Variants in PDE8B observed in about 807,000 individuals in gnomAD.
PDE8B encodes high affinity cAMP-specific and IBMX-insensitive 3',5'-cyclic phosphodiesterase 8B.
Under a neutral mutation model 101.3 loss-of-function variants are expected in PDE8B, and 26 were observed. The observed-to-expected ratio is 0.26, with a 90% confidence interval of 0.19 to 0.36. The LOEUF (loss-of-function observed/expected upper bound fraction) is 0.36. Among genes scored for constraint, PDE8B ranks in the 10% least tolerant of loss-of-function variants. The pLI is 1.00. For synonymous variants in PDE8B, 424 were observed against 429.3 expected (o/e 0.99, Z 0.15); for missense variants, 810 against 1,163.1 (o/e 0.70, Z 4.42).
chr5:77,425,653 C>T (rs1022777220), intron 20 of PDE8B, 114 bp from the exon 21 acceptor site: 30 of 1,077,656 alleles, frequency 2.8e-5, no homozygotes, highest in Middle Eastern at 2.5e-4. Flanking sequence ...CCTATTTCTT[C>T]ATTGAGAAAA....
At chr5:77,422,846 TGGGAA>T (rs796987704) in intron 20 of PDE8B, among the ~76,000 whole-genome samples, 11 of 152,260 alleles carry the variant, frequency 7.2e-5, no homozygotes, top group African/African-American at 2.6e-4. Flanking sequence ...CTAGGAAGAC[TGGGAA>T]GGGGAGTGAC....
chr5:77,309,986 G>A (rs1294224792), intron 1 of PDE8B, among the ~76,000 whole-genome samples: 5 of 87,702 alleles, frequency 5.7e-5, no homozygotes, highest in Admixed American at 1.9e-4. Flanking sequence ...TTTTGCTCTT[G>A]TTGCCCAGGC....
chr5:77,146,945 T>C, the PDE8B span: 5 of 456,592 alleles, frequency 1.1e-5, no homozygotes, highest in South Asian at 8.9e-5. Context: ...ATTGGTGAGT[T>C]GTAAAGAAAT....
intron 20 of PDE8B, among the ~76,000 whole-genome samples, chr5:77,425,152 T>C (rs90684): frequency 0.76 from 116,136 of 152,146 alleles, 45,277 homozygotes; most frequent in African/African-American, 0.92. Context: ...TATGAGAATT[T>C]GTGTTTGTAT....
chr5:77,100,513 C>T, the PDE8B span: 1 of 152,208 alleles, frequency 6.6e-6, no homozygotes, highest in African/African-American at 2.4e-5. Flanking sequence ...CTTGTTCTTA[C>T]CTCTCTATCA....
rs1221663371 is a variant in PDE8B, at chr5:77,423,857, G to A, written c.2418+1869G>A. On this transcript the variant is annotated intron_variant, in intron 20 of 21. Coordinates refer to ENST00000264917, the MANE Select transcript of PDE8B (RefSeq NM_003719.5). ...TCCCTGTGTTGCCCAGGCTGGTCTC[G>A]AATTCCTGAGCTCAGGCAATCCGCC... 4.6e-5 allele frequency among the ~76,000 whole-genome samples: 7 copies of A among 151,696 alleles called. No homozygotes were observed. In the East Asian group the frequency reaches 5.8e-4, roughly 13 times the overall value.
At chr5:77,198,539 C>G in the PDE8B span, among the ~76,000 whole-genome samples, 1 of 152,194 alleles carries the variant, frequency 6.6e-6, no homozygotes, top group Non-Finnish European at 1.5e-5. Context: ...CTGCCTTGAA[C>G]TCCTTTCCTT....
At chr5:77,164,729 T>A in the PDE8B span, among the ~76,000 whole-genome samples, 1 of 152,188 alleles carries the variant, frequency 6.6e-6, no homozygotes, top group Non-Finnish European at 1.5e-5. Flanking sequence ...GAAGGTGTTG[T>A]CTATGGAAGC....
intron 1 of PDE8B, among the ~76,000 whole-genome samples, chr5:77,240,371 T>C (rs971835932): frequency 3.7e-4 from 56 of 152,228 alleles, no homozygotes; most frequent in African/African-American, 1.3e-3. Flanking sequence ...GCCAGGATGG[T>C]CTTGATCTCC....
chr5:77,289,766 A>G (rs989061154), intron 1 of PDE8B, among the ~76,000 whole-genome samples: 1 of 152,222 alleles, frequency 6.6e-6, no homozygotes, highest in Non-Finnish European at 1.5e-5. Context: ...TGTAATATGA[A>G]TGAGGACTTA....
At chr5:77,266,948 T>G (rs1007498425) in intron 1 of PDE8B, among the ~76,000 whole-genome samples, 8 of 152,154 alleles carry the variant, frequency 5.3e-5, no homozygotes, top group Non-Finnish European at 1.2e-4. Flanking sequence ...ACTTGTCAGA[T>G]TCATCTTCAA....
At chr5:77,189,254 G>A in the PDE8B span, among the ~76,000 whole-genome samples, 1 of 152,166 alleles carries the variant, frequency 6.6e-6, no homozygotes, top group African/African-American at 2.4e-5. Flanking sequence ...CATAATTAGT[G>A]AGCATCTAAT....
chr5:77,401,547 C>A (rs536591428), intron 11 of PDE8B, among the ~76,000 whole-genome samples: 1 of 152,266 alleles, frequency 6.6e-6, no homozygotes, highest in Non-Finnish European at 1.5e-5. Flanking sequence ...AATTTCTTAT[C>A]AGTAAAATGG....
At chr5:77,215,663 G>A (rs920581986) in intron 1 of PDE8B, among the ~76,000 whole-genome samples, 2 of 152,196 alleles carry the variant, frequency 1.3e-5, no homozygotes, top group Admixed American at 6.5e-5. Flanking sequence ...TGGCCTGGGC[G>A]CCAGCAGGAC....
At chr5:77,312,379 C>T (rs1364927424) in intron 2 of PDE8B, among the ~76,000 whole-genome samples, 2 of 152,214 alleles carry the variant, frequency 1.3e-5, no homozygotes, top group African/African-American at 2.4e-5. Context: ...GCTGGGATTA[C>T]AGGCGTGAAC....
chr5:77,180,589 C>A, the PDE8B span: 1 of 596,984 alleles, frequency 1.7e-6, no homozygotes, highest in Non-Finnish European at 2.1e-6. Flanking sequence ...GGCCCCCTTT[C>A]AGACACCCAG....
chr5:77,413,681 A>G (rs1329356051), intron 17 of PDE8B, among the ~76,000 whole-genome samples: 3 of 152,192 alleles, frequency 2.0e-5, no homozygotes, highest in Non-Finnish European at 4.4e-5. Context: ...GGATTTGGCC[A>G]TTGGTAGATT....
chr5:77,303,852 A>C (rs11949070), intron 1 of PDE8B, among the ~76,000 whole-genome samples: 126,041 of 152,204 alleles, frequency 0.83, 52,378 homozygotes, highest in East Asian at 0.97. Flanking sequence ...AAGATTCATA[A>C]GTTTTAAATG....
chr5:77,307,251 C>G (rs1363054823), intron 1 of PDE8B, among the ~76,000 whole-genome samples: 1 of 152,116 alleles, frequency 6.6e-6, no homozygotes, highest in Non-Finnish European at 1.5e-5. Flanking sequence ...CTAGAATCTC[C>G]TTCCCCAACC....
Sources: gnomAD v4.1 joint callset for allele counts (sites outside exome capture counted in the v4.1 genomes callset) on GRCh38, gnomAD v4.1.1 for gene constraint, MANE v1.5 for transcripts, NCBI Gene and HGNC (gene_info 2026-07-23, HGNC 2026-07-21) for gene names.